Variants in BCKDHB observed in about 807,000 individuals in gnomAD.
The protein encoded by BCKDHB is branched chain keto acid dehydrogenase E1 subunit beta.
BCKDHB carries 41 observed loss-of-function variants against 48.5 expected under a neutral mutation model. The ratio of observed to expected loss-of-function variants is 0.85; its 90% CI spans 0.66 to 1.10. BCKDHB has a LOEUF of 1.10. Among genes scored for constraint, BCKDHB ranks in the 50% least tolerant of loss-of-function variants. The pLI is 0.00. For missense variants in BCKDHB, 496 were observed against 494.2 expected (o/e 1.00, Z -0.03); for synonymous variants, 201 against 174.8 (o/e 1.15, Z -1.18).
chr6:80,241,122 A>T (rs1776368645), intron 8 of BCKDHB, among the ~76,000 whole-genome samples: 1 of 151,920 alleles, frequency 6.6e-6, no homozygotes, highest in South Asian at 2.1e-4. Context: ...GGTCTTCTCT[A>T]TGCTGTTTAT....
intron 8 of BCKDHB, among the ~76,000 whole-genome samples, chr6:80,206,613 G>A (rs7741013): frequency 0.61 from 91,635 of 151,040 alleles, 27,967 homozygotes; most frequent in South Asian, 0.76. Context: ...AGCCATCAGA[G>A]AAATATATAT....
chr6:80,158,270 C>G (rs1347536125), intron 3 of BCKDHB, among the ~76,000 whole-genome samples: 1 of 152,162 alleles, frequency 6.6e-6, no homozygotes, highest in African/African-American at 2.4e-5. Flanking sequence ...TTACTAAGCA[C>G]ATACATTTGT....
intron 8 of BCKDHB, among the ~76,000 whole-genome samples, chr6:80,257,677 T>C (rs1334431247): frequency 6.6e-6 from 1 of 151,858 alleles, no homozygotes; most frequent in Non-Finnish European, 1.5e-5. Flanking sequence ...TCAGACTAAG[T>C]CTAAAGGCCT....
In BCKDHB at chr6:80,186,456, A is replaced by C. The variant is rs191717948; in HGVS notation, c.743-14478A>C. On this transcript the variant is annotated intron_variant, in intron 6 of 9. Transcript: ENST00000320393. ...CACGTTTATATTCAGGCAGCTGGGG[A>C]GAGCGGATAGATCTTGCCCCAGACT... 3.1e-3 allele frequency among the ~76,000 whole-genome samples: 472 copies of C among 152,272 alleles called. 1 individual carries two copies. The highest frequency in any genetic ancestry group is 0.011 in the African/African-American group (456 of 41,540).
In BCKDHB at chr6:80,106,675, A is replaced by G; in HGVS notation, c.-19A>G. 4.5e-6 allele frequency: 7 copies of G among 1,549,370 alleles called. No individual in the cohort carries two copies. Among genetic ancestry groups the G allele is most frequent in the Non-Finnish European group, 6.1e-6 (7 of 1,146,904 alleles). On this transcript the variant is annotated 5_prime_UTR_variant, in exon 1 of 10. Coordinates refer to ENST00000320393, the MANE Select transcript of BCKDHB (RefSeq NM_183050.4). ...CGGCGTGCGGCTGCATAGCCTGAGAATCCCGGTGGTGAGCGGGGATGGCGG... is the reference window on the plus strand; with the variant it reads ...CGGCGTGCGGCTGCATAGCCTGAGAGTCCCGGTGGTGAGCGGGGATGGCGG...
At chr6:80,339,011 A>AG (rs72564123) in intron 9 of BCKDHB, among the ~76,000 whole-genome samples, 1 of 120,032 alleles carries the variant, frequency 8.3e-6, no homozygotes, top group Non-Finnish European at 2.0e-5. Context: ...CCATAAAAAA[A>AG]AAAATTGTTG....
At chr6:80,447,544 T>C in the BCKDHB span, among the ~76,000 whole-genome samples, 2 of 151,642 alleles carry the variant, frequency 1.3e-5, no homozygotes, top group African/African-American at 2.4e-5. Flanking sequence ...TAACAAAGCA[T>C]CACCACAATT....
At chr6:80,426,232 T>C in the BCKDHB span, among the ~76,000 whole-genome samples, 1 of 152,202 alleles carries the variant, frequency 6.6e-6, no homozygotes, top group Non-Finnish European at 1.5e-5. Flanking sequence ...GATACTGCAC[T>C]CTATAGGATG....
chr6:80,261,219 T>G (rs1272695287), intron 8 of BCKDHB, among the ~76,000 whole-genome samples: 1 of 152,144 alleles, frequency 6.6e-6, no homozygotes, highest in Non-Finnish European at 1.5e-5. Context: ...TCCTTTTTCT[T>G]TTTATTCTTG....
intron 9 of BCKDHB, among the ~76,000 whole-genome samples, chr6:80,343,264 A>G (rs929358017): frequency 3.9e-5 from 6 of 152,252 alleles, no homozygotes; most frequent in Non-Finnish European, 7.3e-5. Context: ...AAAGTAATAC[A>G]TGTGCATTGT....
chr6:80,437,756 A>T, the BCKDHB span, among the ~76,000 whole-genome samples: 5 of 152,196 alleles, frequency 3.3e-5, no homozygotes, highest in African/African-American at 4.8e-5. Flanking sequence ...AAAAGCTCCT[A>T]TGGTGCATAA....
the BCKDHB span, among the ~76,000 whole-genome samples, chr6:80,421,194 T>G: frequency 6.6e-6 from 1 of 152,110 alleles, no homozygotes; most frequent in African/African-American, 2.4e-5. Flanking sequence ...GGTTTAAAGG[T>G]GGCAGTTTCC....
the BCKDHB span, among the ~76,000 whole-genome samples, chr6:80,435,221 C>G: frequency 1.9e-4 from 29 of 152,308 alleles, no homozygotes; most frequent in Admixed American, 1.5e-3. Context: ...GAACCTCTAT[C>G]ATGGCCAGCA....
At chr6:80,269,919 T>C (rs1406631275) in intron 8 of BCKDHB, among the ~76,000 whole-genome samples, 2 of 152,090 alleles carry the variant, frequency 1.3e-5, no homozygotes, top group African/African-American at 2.4e-5. Context: ...CAGTTACATA[T>C]TATTTTGCCT....
chr6:80,364,660 CAG>C, the BCKDHB span, among the ~76,000 whole-genome samples: 124 of 152,276 alleles, frequency 8.1e-4, 1 homozygote, highest in East Asian at 0.022. Flanking sequence ...GCCTTAAACT[CAG>C]TGGCTTTCAG....
chr6:80,122,110 CAT>C (rs1310822257), intron 1 of BCKDHB, among the ~76,000 whole-genome samples: 3 of 152,188 alleles, frequency 2.0e-5, no homozygotes, highest in African/African-American at 4.8e-5. Flanking sequence ...TTGAGATAAT[CAT>C]GTGGTTTTTG....
chr6:80,179,732 A>G (rs1303471522), intron 6 of BCKDHB, among the ~76,000 whole-genome samples: 1 of 152,190 alleles, frequency 6.6e-6, no homozygotes, highest in East Asian at 1.9e-4. Context: ...GCATAGGATT[A>G]ATTTGCTTCT....
At chr6:80,321,960 A>C (rs953500858) in intron 9 of BCKDHB, among the ~76,000 whole-genome samples, 10 of 152,148 alleles carry the variant, frequency 6.6e-5, no homozygotes, top group African/African-American at 2.4e-4. Flanking sequence ...ACTTACATGG[A>C]ATCTACTGCC....
chr6:80,195,366 T>C (rs1055448069), intron 6 of BCKDHB, among the ~76,000 whole-genome samples: 1 of 152,132 alleles, frequency 6.6e-6, no homozygotes, highest in Non-Finnish European at 1.5e-5. Flanking sequence ...GTTCATATAT[T>C]CTTTCTTATC....
Sources: allele counts gnomAD v4.1 joint callset (sites outside exome capture counted in the v4.1 genomes callset), GRCh38; gene constraint gnomAD v4.1.1; transcripts MANE v1.5; gene names NCBI Gene and HGNC (gene_info 2026-07-23, HGNC 2026-07-21).